Variants in TMEM135 observed in about 807,000 individuals in gnomAD.
TMEM135 encodes peroxisomal membrane protein 52.
A neutral mutation model predicts 60.3 loss-of-function variants in TMEM135; 30 were observed. That is an observed-to-expected ratio of 0.50 (90% CI 0.37 to 0.68). TMEM135 has a LOEUF of 0.68. Ranked by LOEUF, TMEM135 falls within the 30% of genes least tolerant of loss-of-function variation. The probability of loss-of-function intolerance (pLI) is 0.00; values close to 1 mark genes in which losing one functional copy is unlikely to be tolerated. For synonymous variants in TMEM135, 190 were observed against 186.7 expected, an observed-to-expected ratio of 1.02 and a Z score of -0.14; for missense variants, 468 against 548.8, an observed-to-expected ratio of 0.85 and a Z score of 1.47.
chr11:87,119,939 T>C (rs35493055), intron 4 of TMEM135, among the ~76,000 whole-genome samples: 52,904 of 151,442 alleles, frequency 0.35, 9,650 homozygotes, highest in East Asian at 0.62. Flanking sequence ...TGCCTGCATA[T>C]GCATATGCAG....
At chr11:87,060,125 GA>G (rs1315578678) in intron 1 of TMEM135, among the ~76,000 whole-genome samples, 1 of 151,956 alleles carries the variant, frequency 6.6e-6, no homozygotes, top group Non-Finnish European at 1.5e-5. Flanking sequence ...AAAAAAGAAA[GA>G]AAAAAAGTAA....
At chr11:87,168,826 G>A (rs1461869610) in intron 5 of TMEM135, among the ~76,000 whole-genome samples, 4 of 152,078 alleles carry the variant, frequency 2.6e-5, no homozygotes, top group African/African-American at 9.7e-5. Flanking sequence ...TAAGTCACTT[G>A]GTCCAGAGCT....
rs114936580 is a variant in TMEM135 at position 87,233,167 on chromosome 11, A to G, written c.463-3471A>G. ...TCCGTCTCAAAAAACAAAGCAAAAC[A>G]GAACAAAAACTCAGTTAATCTAAAA... On this transcript the variant is annotated intron_variant, in intron 5 of 14. Transcript: ENST00000305494. Among the ~76,000 whole-genome samples, 880 of 152,010 alleles carry G rather than the reference A, an allele frequency of 5.8e-3. 10 individuals are homozygous for G. Among genetic ancestry groups the G allele is most frequent in the African/African-American group, 0.02 (836 of 41,490 alleles).
rs777728046 is a variant in TMEM135, at chr11:87,322,312, A to G, written c.*979A>G. ...TTAACTTATGTAATGGATGTTTTGC[A>G]CCTGAAAACACTATAAAAATCCAGT... is the stretch of plus-strand genomic sequence containing the variant. On this transcript the variant is annotated 3_prime_UTR_variant, in exon 15 of 15. Coordinates refer to ENST00000305494, the MANE Select transcript of TMEM135 (RefSeq NM_022918.4). The G allele has an allele frequency of 5.7e-5, 26 of 453,942 alleles. No homozygotes were observed. Among genetic ancestry groups the G allele is most frequent in the Non-Finnish European group, 3.5e-5 (8 of 226,750 alleles). 28.1% of individuals were successfully genotyped at this position (453,942 alleles called of 1,614,324 possible).
intron 4 of TMEM135, among the ~76,000 whole-genome samples, chr11:87,115,171 A>G (rs1226380486): frequency 6.6e-6 from 1 of 152,094 alleles, no homozygotes; most frequent in East Asian, 1.9e-4. Flanking sequence ...TATTTAAGAA[A>G]TTTGTGTAGG....
At chr11:87,255,575 C>T (rs1941510095) in intron 6 of TMEM135, among the ~76,000 whole-genome samples, 1 of 152,010 alleles carries the variant, frequency 6.6e-6, no homozygotes, top group African/African-American at 2.4e-5. Context: ...GAATTCAGGG[C>T]TGTAGTGCGC....
At chr11:87,077,967 CATTTT>C (rs2135150602) in intron 3 of TMEM135, among the ~76,000 whole-genome samples, 1 of 152,244 alleles carries the variant, frequency 6.6e-6, no homozygotes, top group Non-Finnish European at 1.5e-5. Flanking sequence ...GGATATGTCA[CATTTT>C]ATTTATTCAT....
chr11:87,236,618 A>G lies in TMEM135; in HGVS notation c.463-20A>G, dbSNP rs765840938. ...ATGTCAGTGTTCTTTTGCAAGTAAT[A>G]TATTTTCTCTTTGTTACAGGTCCTT... On this transcript the variant is annotated intron_variant, in intron 5 of 14. Transcript: ENST00000305494. 14 of 1,610,046 alleles carry G rather than the reference A, an allele frequency of 8.7e-6. No homozygotes were observed. The highest frequency in any genetic ancestry group is 2.2e-5 in the East Asian group (1 of 44,820).
At chr11:87,153,502 G>C (rs1938612241) in intron 4 of TMEM135, among the ~76,000 whole-genome samples, 1 of 152,068 alleles carries the variant, frequency 6.6e-6, no homozygotes, top group Non-Finnish European at 1.5e-5. Context: ...TCACTTTCTG[G>C]TTTCACTTAG....
At chr11:87,046,265 G>A (rs996228508) in intron 1 of TMEM135, among the ~76,000 whole-genome samples, 2 of 152,130 alleles carry the variant, frequency 1.3e-5, no homozygotes, top group African/African-American at 2.4e-5. Flanking sequence ...ATTAGCCAGC[G>A]TGGTGGTGGG....
intron 5 of TMEM135, among the ~76,000 whole-genome samples, chr11:87,224,908 GGTTTTA>G (rs1389712811): frequency 6.6e-6 from 1 of 151,752 alleles, no homozygotes; most frequent in Admixed American, 6.6e-5. Context: ...AAACAAGTGA[GGTTTTA>G]GTTTTTGTTC....
At chr11:87,061,662 G>T (rs1227577138) in intron 1 of TMEM135, among the ~76,000 whole-genome samples, 2 of 152,162 alleles carry the variant, frequency 1.3e-5, no homozygotes, top group African/African-American at 2.4e-5. Context: ...CTAAGATCAT[G>T]GGTCTTTGAG....
chr11:87,140,466 A>T (rs1938232280), intron 4 of TMEM135, among the ~76,000 whole-genome samples: 1 of 152,212 alleles, frequency 6.6e-6, no homozygotes, highest in Non-Finnish European at 1.5e-5. Flanking sequence ...CATTTTATCA[A>T]TGTATTAGTT....
chr11:87,259,039 A>C, intron 6 of TMEM135: 2 of 1,468,030 alleles, frequency 1.4e-6, no homozygotes, highest in Non-Finnish European at 9.5e-7. Context: ...TGCCCTGGGA[A>C]ACCTGTACAT....
intron 12 of TMEM135, among the ~76,000 whole-genome samples, chr11:87,316,733 A>G (rs904150126): frequency 6.6e-6 from 1 of 152,008 alleles, no homozygotes; most frequent in African/African-American, 2.4e-5. Flanking sequence ...GGAAACCAAT[A>G]TTGAGATCTA....
At chr11:87,233,276 A>G (rs370511257) in intron 5 of TMEM135, among the ~76,000 whole-genome samples, 5 of 152,266 alleles carry the variant, frequency 3.3e-5, no homozygotes, top group South Asian at 4.1e-4. Flanking sequence ...AAGGATACCA[A>G]TAATCACATT....
At chr11:87,265,231 C>T (rs4943978) in intron 6 of TMEM135, among the ~76,000 whole-genome samples, 53,619 of 151,732 alleles carry the variant, frequency 0.35, 10,035 homozygotes, top group Non-Finnish European at 0.42. Flanking sequence ...TAGTCCTACA[C>T]ATCTGGTTGT....
intron 5 of TMEM135, among the ~76,000 whole-genome samples, chr11:87,189,998 C>G (rs1939759146): frequency 6.6e-6 from 1 of 152,028 alleles, no homozygotes; most frequent in African/African-American, 2.4e-5. Flanking sequence ...AAAGACAGAA[C>G]AGTAGATACA....
intron 3 of TMEM135, among the ~76,000 whole-genome samples, chr11:87,079,888 C>G (rs1157732638): frequency 7.2e-6 from 1 of 138,568 alleles, no homozygotes; most frequent in East Asian, 2.1e-4. Flanking sequence ...GTCGCCCAGG[C>G]TGGAGTGCAG....
Sources: allele counts gnomAD v4.1 joint callset (sites outside exome capture counted in the v4.1 genomes callset), GRCh38; gene constraint gnomAD v4.1.1; transcripts MANE v1.5; gene names NCBI Gene and HGNC (gene_info 2026-07-23, HGNC 2026-07-21).